The following SNTG2 variants were observed in gnomAD, a reference collection of about 807,000 sequenced individuals.
SNTG2 encodes syntrophin gamma 2.
SNTG2 carries 74 observed loss-of-function variants against 70.9 expected under a neutral mutation model. That is an observed-to-expected ratio of 1.04 (90% CI 0.86 to 1.27). The LOEUF (loss-of-function observed/expected upper bound fraction) is 1.27. Among genes scored for constraint, SNTG2 ranks in the 50% most tolerant of loss-of-function variants. The pLI, the probability that SNTG2 is intolerant of heterozygous loss-of-function variation, is 0.00. For missense variants in SNTG2, 717 were observed against 690.7 expected, an observed-to-expected ratio of 1.04 and a Z score of -0.43; for synonymous variants, 278 against 273.8, an observed-to-expected ratio of 1.02 and a Z score of -0.15.
At chr2:1,098,306 T>G (rs763593764) in intron 3 of SNTG2, 47 bp from the exon 4 acceptor site, 1 of 1,613,682 alleles carries the variant, frequency 6.2e-7, no homozygotes, top group Admixed American at 1.7e-5. Flanking sequence ...AACTTTCCAG[T>G]GTGAATCATG....
chr2:1,313,971 A>C (rs1681143127), intron 15 of SNTG2, among the ~76,000 whole-genome samples: 1 of 152,344 alleles, frequency 6.6e-6, no homozygotes, highest in African/African-American at 2.4e-5. Context: ...GACCATAAAG[A>C]CAATAATCAT....
At chr2:1,306,448 G>A (rs1422327272) in intron 14 of SNTG2, among the ~76,000 whole-genome samples, 3 of 152,204 alleles carry the variant, frequency 2.0e-5, no homozygotes, top group Admixed American at 6.5e-5. Context: ...TTGAAGGCAC[G>A]CATTCAGCTA....
chr2:1,155,199 ACACACC>A (rs1669806151), intron 6 of SNTG2, among the ~76,000 whole-genome samples: 3 of 115,956 alleles, frequency 2.6e-5, no homozygotes, highest in Non-Finnish European at 5.0e-5. Flanking sequence ...TATAGACCAC[ACACACC>A]CACACCACAC....
chr2:1,243,371 C>G lies in SNTG2; in HGVS notation c.888+3595C>G, dbSNP rs144888240. Among the ~76,000 whole-genome samples, 5 of 152,288 alleles carry G rather than the reference C, an allele frequency of 3.3e-5. No homozygotes were observed. The East Asian group carries it at 7.7e-4, about 24-fold the overall frequency. ...ATGGGGCCTCCCAGGTCTGGGTGCT[C>G]GGATTCCAGCTGGTACCTGCAGCTC... On this transcript the variant is annotated intron_variant, in intron 11 of 16. Transcript: ENST00000308624.
chr2:1,180,314 C>T (rs1386066857), intron 8 of SNTG2, among the ~76,000 whole-genome samples: 3 of 136,276 alleles, frequency 2.2e-5, no homozygotes, highest in African/African-American at 5.3e-5. Flanking sequence ...TTGCAACCTA[C>T]TCATCTGACA....
intron 1 of SNTG2, among the ~76,000 whole-genome samples, chr2:1,064,198 C>T (rs1017582998): frequency 4.6e-5 from 7 of 151,582 alleles, no homozygotes; most frequent in Non-Finnish European, 8.8e-5. Context: ...TATTCTTCAA[C>T]AATGAACGTG....
intron 1 of SNTG2, among the ~76,000 whole-genome samples, chr2:1,071,775 G>C (rs1234283626): frequency 2.6e-5 from 4 of 152,120 alleles, no homozygotes; most frequent in Non-Finnish European, 5.9e-5. Context: ...GACAATTCTT[G>C]ACAGAAATTA....
intron 1 of SNTG2, among the ~76,000 whole-genome samples, chr2:1,080,175 C>T (rs771647478): frequency 7.6e-4 from 112 of 146,692 alleles, no homozygotes; most frequent in Middle Eastern, 3.5e-3. Flanking sequence ...AGAATGTGCT[C>T]AGATGCATCG....
chr2:1,339,098 T>A (rs1365613198), intron 16 of SNTG2, among the ~76,000 whole-genome samples: 1 of 152,234 alleles, frequency 6.6e-6, no homozygotes, highest in African/African-American at 2.4e-5. Context: ...GTTTTGTTTG[T>A]TTGCATTTCC....
At chr2:1,156,554 A>G (rs1049269302) in intron 6 of SNTG2, among the ~76,000 whole-genome samples, 1 of 152,188 alleles carries the variant, frequency 6.6e-6, no homozygotes, top group African/African-American at 2.4e-5. Context: ...GAGATTAACC[A>G]GCCAGCACTT....
chr2:1,280,459 C>T (rs969641692), intron 14 of SNTG2, among the ~76,000 whole-genome samples: 8 of 152,102 alleles, frequency 5.3e-5, no homozygotes, highest in South Asian at 2.1e-4. Flanking sequence ...TTAAATGTTT[C>T]GTTTTCCTTA....
intron 4 of SNTG2, among the ~76,000 whole-genome samples, chr2:1,119,835 G>A (rs903341229): frequency 4.6e-5 from 7 of 151,962 alleles, no homozygotes; most frequent in Admixed American, 4.6e-4. Context: ...TAATCACCTT[G>A]AATATTACAA....
rs564375225 is a variant in SNTG2 at position 1,252,076 on chromosome 2, G to A, written c.1005+4633G>A. Among the ~76,000 whole-genome samples, 7 of 152,290 alleles carry A rather than the reference G, an allele frequency of 4.6e-5. No homozygotes were observed. The South Asian group carries it at 1.0e-3, about 23-fold the overall frequency. On this transcript the variant is annotated intron_variant, in intron 12 of 16. Transcript: ENST00000308624. ...GGGTAGCCATAGAAACTCTGGAGGC[G>A]CCCAGTACGCAGAGAGCTCCCGATG... is the stretch of plus-strand genomic sequence containing the variant.
intron 11 of SNTG2, among the ~76,000 whole-genome samples, chr2:1,245,835 T>C (rs1416313666): frequency 6.6e-6 from 1 of 152,242 alleles, no homozygotes; most frequent in South Asian, 2.1e-4. Flanking sequence ...TGCCCCCAGC[T>C]AGTGCCTTAT....
intron 16 of SNTG2, among the ~76,000 whole-genome samples, chr2:1,355,405 A>T (rs1660796680): frequency 6.6e-6 from 1 of 151,996 alleles, no homozygotes; most frequent in South Asian, 2.1e-4. Flanking sequence ...TGAGAGATTG[A>T]CCCTGTTAGA....
intron 12 of SNTG2, among the ~76,000 whole-genome samples, chr2:1,253,864 GGGA>G (rs1474361975): frequency 2.0e-5 from 3 of 152,008 alleles, no homozygotes; most frequent in African/African-American, 7.3e-5. Context: ...GAGAGGGAGC[GGGA>G]GGAGATGTCA....
intron 1 of SNTG2, among the ~76,000 whole-genome samples, chr2:1,000,409 G>T (rs1459618287): frequency 2.0e-5 from 3 of 151,516 alleles, no homozygotes. Context: ...AAAAAGATAA[G>T]ATTTAAACAA....
chr2:1,272,890 C>G (rs1334281980), intron 14 of SNTG2, among the ~76,000 whole-genome samples: 1 of 152,200 alleles, frequency 6.6e-6, no homozygotes, highest in Admixed American at 6.5e-5. Flanking sequence ...ACAACAGTGT[C>G]TCCTGCGGTG....
chr2:1,367,097 CA>C (rs1371364750), intron 16 of SNTG2, among the ~76,000 whole-genome samples: 5 of 152,178 alleles, frequency 3.3e-5, no homozygotes, highest in Non-Finnish European at 5.9e-5. Context: ...TGCAAGAAAA[CA>C]AGTAAGTTAC....
Sources: allele counts gnomAD v4.1 joint callset (sites outside exome capture counted in the v4.1 genomes callset), GRCh38; gene constraint gnomAD v4.1.1; transcripts MANE v1.5; gene names NCBI Gene and HGNC (gene_info 2026-07-23, HGNC 2026-07-21).